ZNF585B: variants seen among roughly 807,000 people sequenced by gnomAD.
The protein encoded by ZNF585B is zinc finger protein 585B.
Under a neutral mutation model 14.0 loss-of-function variants are expected in ZNF585B, and 7 were observed. The observed-to-expected ratio is 0.50, with a 90% CI of 0.28 to 0.94. ZNF585B has a LOEUF of 0.94. Ranked by LOEUF, ZNF585B falls within the 40% of genes least tolerant of loss-of-function variation. The probability of loss-of-function intolerance (pLI) is 0.09; values close to 1 mark genes in which losing one functional copy is unlikely to be tolerated. For synonymous variants in ZNF585B, 290 were observed against 317.3 expected, an observed-to-expected ratio of 0.91 and a Z score of 0.91; for missense variants, 750 against 924.4, an observed-to-expected ratio of 0.81 and a Z score of 2.45.
At chr19:37,191,340 G>A (rs147967065) in intron 2 of ZNF585B, among the ~76,000 whole-genome samples, 10 of 152,172 alleles carry the variant, frequency 6.6e-5, no homozygotes, top group South Asian at 2.1e-4. Flanking sequence ...AGAGGGGGCC[G>A]GACACGGTGG....
intron 2 of ZNF585B, chr19:37,199,092 C>G: frequency 8.3e-7 from 1 of 1,207,598 alleles, no homozygotes; most frequent in Non-Finnish European, 1.2e-6. Context: ...TTCTCTTTAT[C>G]ATACACTTGT....
intron 2 of ZNF585B, among the ~76,000 whole-genome samples, chr19:37,200,865 C>A (rs1022528266): frequency 1.3e-5 from 2 of 151,672 alleles, no homozygotes; most frequent in Non-Finnish European, 2.9e-5. Flanking sequence ...CTGAGGCAGG[C>A]GGATCACCTG....
rs763667903 is a variant in ZNF585B at position 37,187,084 on chromosome 19, A to G, written c.453T>C (p.Val151=). The change falls in exon 5 of 5, where the codon GTT becomes GTC. Residue 151 remains valine, a synonymous_variant. Coordinates refer to ENST00000532828, the MANE Select transcript of ZNF585B (RefSeq NM_152279.4). ...ATACATAGAGTTTTTCTCCTGTAGG[A>G]ACTTTCAGATGTACCTTGAACTGTG... ...WKSQFKVHLK[V]PTGEKLYVCI... is the part of the protein sequence containing the mutation. 1 of 1,614,008 alleles carries G rather than the reference A, an allele frequency of 6.2e-7. No individual in the cohort carries two copies. Among genetic ancestry groups the G allele is most frequent in the Non-Finnish European group, 8.5e-7 (1 of 1,179,986 alleles).
intron 2 of ZNF585B, among the ~76,000 whole-genome samples, chr19:37,190,729 C>A (rs1042319588): frequency 6.6e-6 from 1 of 151,562 alleles, no homozygotes; most frequent in Non-Finnish European, 1.5e-5. Flanking sequence ...CCATACCCGG[C>A]TAAATTTTGT....
At chr19:37,207,925 T>C (rs922502865) in intron 1 of ZNF585B, among the ~76,000 whole-genome samples, 2 of 152,154 alleles carry the variant, frequency 1.3e-5, no homozygotes, top group Non-Finnish European at 2.9e-5. Flanking sequence ...AATTGGTGCA[T>C]GCAATTGGCC....
In ZNF585B at chr19:37,185,120, G is replaced by C; in HGVS notation, c.*107C>G. ...CCAGAACAGCCATGTGTGACATTCT[G>C]ATGTGGTCATTTCTATTTACAATAA... On this transcript the variant is annotated 3_prime_UTR_variant, in exon 5 of 5. Coordinates refer to ENST00000532828, the MANE Select transcript of ZNF585B (RefSeq NM_152279.4). 6.9e-7 allele frequency: 1 copy of C among 1,438,898 alleles called. No homozygotes were observed. Among genetic ancestry groups the C allele is most frequent in the Non-Finnish European group, 9.3e-7 (1 of 1,071,682 alleles). 89.1% of individuals were successfully genotyped at this position (1,438,898 alleles called of 1,614,324 possible).
At chr19:37,208,089 C>T (rs896730232) in intron 1 of ZNF585B, among the ~76,000 whole-genome samples, 1 of 152,194 alleles carries the variant, frequency 6.6e-6, no homozygotes, top group African/African-American at 2.4e-5. Context: ...TCTACTGCCT[C>T]AGCCTCCCAA....
At chr19:37,193,656 T>C (rs1423315411) in intron 2 of ZNF585B, among the ~76,000 whole-genome samples, 1 of 152,042 alleles carries the variant, frequency 6.6e-6, no homozygotes, top group African/African-American at 2.4e-5. Context: ...GGCAGGCACC[T>C]GTAGTCCCAG....
Position 37,210,474 on chromosome 19 carries a change from C to T in ZNF585B, c.-177G>A, listed in dbSNP as rs1168815714. On this transcript the variant is annotated 5_prime_UTR_variant, in exon 1 of 5. Transcript: ENST00000532828. ...TCACAGAGACCTCTCGGCATTAAAA[C>T]GTGAAAATAGTCCTGACGCCAGCGG... 6.6e-6 allele frequency: 1 copy of T among 152,272 alleles called. No homozygotes were observed. The highest frequency in any genetic ancestry group is 6.5e-5 in the Admixed American group (1 of 15,282). 9.4% of individuals were successfully genotyped at this position (152,272 alleles called of 1,614,324 possible).
chr19:37,195,104 G>T (rs966254182), intron 2 of ZNF585B, among the ~76,000 whole-genome samples: 1 of 151,904 alleles, frequency 6.6e-6, no homozygotes, highest in African/African-American at 2.4e-5. Flanking sequence ...CAGCACTTTG[G>T]GGGGCCGAGG....
At chr19:37,192,324 A>G (rs141003388) in intron 2 of ZNF585B, among the ~76,000 whole-genome samples, 11 of 152,316 alleles carry the variant, frequency 7.2e-5, no homozygotes, top group African/African-American at 2.6e-4. Context: ...ACATGAGGAA[A>G]TAAGTTTACA....
chr19:37,195,345 C>CAAAA (rs71177429), intron 2 of ZNF585B, among the ~76,000 whole-genome samples: 302 of 14,298 alleles, frequency 0.021, 40 homozygotes, highest in Non-Finnish European at 0.031. Context: ...GACTCTGACT[C>CAAAA]AAAAAAAAAA....
intron 2 of ZNF585B, among the ~76,000 whole-genome samples, chr19:37,201,558 C>T (rs559484634): frequency 1.3e-5 from 2 of 152,162 alleles, no homozygotes; most frequent in African/African-American, 4.8e-5. Flanking sequence ...TACACAGTGC[C>T]GGTGTAACAT....
chr19:37,190,982 T>A (rs534889152), intron 2 of ZNF585B, among the ~76,000 whole-genome samples: 56 of 152,334 alleles, frequency 3.7e-4, no homozygotes, highest in Middle Eastern at 3.4e-3. Flanking sequence ...ATCTACTACT[T>A]AGATCTACCA....
intron 2 of ZNF585B, among the ~76,000 whole-genome samples, chr19:37,206,489 T>C (rs1599769631): frequency 2.0e-5 from 3 of 150,472 alleles, no homozygotes; most frequent in Non-Finnish European, 4.4e-5. Flanking sequence ...CAAACTAGAG[T>C]TTTTAAAAAT....
Position 37,184,254 on chromosome 19 carries a change from G to T in ZNF585B, c.*973C>A, listed in dbSNP as rs1162445393. Reference sequence around the variant, plus strand: ...CGCAATCCCAGCTACTCAGGAGGCTGAGGCAGGAGAATTGCTTGAGCCCGG... The same window carrying T: ...CGCAATCCCAGCTACTCAGGAGGCTTAGGCAGGAGAATTGCTTGAGCCCGG... On this transcript the variant is annotated 3_prime_UTR_variant, in exon 5 of 5. Coordinates refer to ENST00000532828, the MANE Select transcript of ZNF585B (RefSeq NM_152279.4). The T allele has an allele frequency of 1.3e-5, 2 of 152,084 alleles. No homozygotes were observed. The highest frequency in any genetic ancestry group is 4.9e-5 in the African/African-American group (2 of 41,224). 9.4% of individuals were successfully genotyped at this position (152,084 alleles called of 1,614,324 possible).
chr19:37,187,292 T>G, intron 4 of ZNF585B, 48 bp from the exon 5 acceptor site: 1 of 1,334,272 alleles, frequency 7.5e-7, no homozygotes, highest in Non-Finnish European at 1.0e-6. Context: ...TTTACCATAG[T>G]TAGTACTCTT....
intron 4 of ZNF585B, among the ~76,000 whole-genome samples, chr19:37,187,894 T>C (rs998487815): frequency 1.3e-5 from 2 of 152,074 alleles, no homozygotes; most frequent in African/African-American, 2.4e-5. Flanking sequence ...TGGATAGACA[T>C]GGAAAAAGGC....
At chr19:37,198,721 A>G (rs951785605) in intron 2 of ZNF585B, among the ~76,000 whole-genome samples, 2 of 148,212 alleles carry the variant, frequency 1.3e-5, no homozygotes, top group Non-Finnish European at 3.0e-5. Context: ...GGGCAACAAG[A>G]GTGAAACTCT....
Sources: gnomAD v4.1 joint callset for allele counts (sites outside exome capture counted in the v4.1 genomes callset) on GRCh38, gnomAD v4.1.1 for gene constraint, MANE v1.5 for transcripts, NCBI Gene and HGNC (gene_info 2026-07-23, HGNC 2026-07-21) for gene names.